EEFSEC: variants seen among roughly 807,000 people sequenced by gnomAD.
EEFSEC encodes the protein selenocysteine-specific elongation factor.
A neutral mutation model predicts 42.1 loss-of-function variants in EEFSEC; 43 were observed. The ratio of observed to expected loss-of-function variants is 1.02; its 90% CI spans 0.80 to 1.32. The LOEUF is 1.32. Ranked by LOEUF, EEFSEC falls within the 40% of genes most tolerant of loss-of-function variation. EEFSEC has a pLI of 0.00. For missense variants in EEFSEC, 745 were observed against 803.6 expected (o/e 0.93, Z 0.88); for synonymous variants, 354 against 339.1 (o/e 1.04, Z -0.48).
intron 4 of EEFSEC, among the ~76,000 whole-genome samples, chr3:128,294,255 A>G (rs138126672): frequency 1.3e-5 from 2 of 152,164 alleles, no homozygotes; most frequent in Admixed American, 6.5e-5. Context: ...GTGGAGGACT[A>G]TCTGTCCTTC....
At chr3:128,295,594 C>CTTTT (rs543376332) in intron 4 of EEFSEC, among the ~76,000 whole-genome samples, 1 of 131,592 alleles carries the variant, frequency 7.6e-6, no homozygotes, top group African/African-American at 2.8e-5. Context: ...ATTGAGGCTC[C>CTTTT]TTTTTTTTTT....
chr3:128,364,928 C>T (rs2067571133), intron 6 of EEFSEC, among the ~76,000 whole-genome samples: 1 of 152,236 alleles, frequency 6.6e-6, no homozygotes. Context: ...TCTCTGTCTG[C>T]CCCAGGGAGA....
chr3:128,376,177 T>C (rs1223933401), intron 6 of EEFSEC, among the ~76,000 whole-genome samples: 1 of 152,186 alleles, frequency 6.6e-6, no homozygotes, highest in Non-Finnish European at 1.5e-5. Context: ...GCCTGGGGCA[T>C]GCACAGTTCT....
At chr3:128,353,577 G>A (rs1221035185) in intron 5 of EEFSEC, among the ~76,000 whole-genome samples, 1 of 152,250 alleles carries the variant, frequency 6.6e-6, no homozygotes, top group East Asian at 1.9e-4. Context: ...GCTGCCCAGT[G>A]CCCCTGGGCC....
intron 3 of EEFSEC, among the ~76,000 whole-genome samples, chr3:128,263,612 G>T (rs2066321052): frequency 1.3e-5 from 2 of 152,178 alleles, no homozygotes; most frequent in Admixed American, 6.5e-5. Context: ...CTCAGACCAA[G>T]CCTGTTTTGT....
At chr3:128,186,794 AT>A (rs1294505833) in intron 1 of EEFSEC, among the ~76,000 whole-genome samples, 17 of 150,676 alleles carry the variant, frequency 1.1e-4, no homozygotes, top group East Asian at 3.9e-4. Flanking sequence ...ATTCTGAACT[AT>A]TTTTTTTTTA....
chr3:128,385,282 C>T (rs931474457), intron 6 of EEFSEC, among the ~76,000 whole-genome samples: 1 of 152,198 alleles, frequency 6.6e-6, no homozygotes, highest in Non-Finnish European at 1.5e-5. Context: ...GCAGGCAGCG[C>T]AGGAGAGTAG....
intron 6 of EEFSEC, chr3:128,362,263 C>T (rs572720150): frequency 1.4e-5 from 7 of 515,590 alleles, no homozygotes; most frequent in Admixed American, 8.0e-5. Context: ...CAACAGCTTC[C>T]GCAGCCCCTC....
At chr3:128,243,185 T>C (rs981104447) in intron 1 of EEFSEC, among the ~76,000 whole-genome samples, 3 of 152,234 alleles carry the variant, frequency 2.0e-5, no homozygotes, top group African/African-American at 7.2e-5. Flanking sequence ...TCCCTGGTGC[T>C]GGCTGCGCTG....
chr3:128,399,114 A>AAAT (rs2068018601), intron 6 of EEFSEC, among the ~76,000 whole-genome samples: 1 of 151,022 alleles, frequency 6.6e-6, no homozygotes, highest in African/African-American at 2.5e-5. Context: ...AAAATAAAAA[A>AAAT]AAACCCTTCC....
At chr3:128,239,850 G>A (rs1576572581) in intron 1 of EEFSEC, among the ~76,000 whole-genome samples, 1 of 152,198 alleles carries the variant, frequency 6.6e-6, no homozygotes, top group South Asian at 2.1e-4. Context: ...CAGGGTCCCT[G>A]GAGCCTTCTC....
At chr3:128,395,821 C>G (rs2067974595) in intron 6 of EEFSEC, among the ~76,000 whole-genome samples, 1 of 152,228 alleles carries the variant, frequency 6.6e-6, no homozygotes, top group African/African-American at 2.4e-5. Context: ...CAGCCATGAT[C>G]AGAATGGCAG....
At chr3:128,336,285 C>G (rs764368060) in intron 4 of EEFSEC, among the ~76,000 whole-genome samples, 2 of 152,190 alleles carry the variant, frequency 1.3e-5, no homozygotes, top group Non-Finnish European at 2.9e-5. Flanking sequence ...TCTAGTCTGT[C>G]ACCACCAAAA....
intron 1 of EEFSEC, among the ~76,000 whole-genome samples, chr3:128,199,790 G>T (rs2065624319): frequency 6.6e-6 from 1 of 151,838 alleles, no homozygotes; most frequent in South Asian, 2.1e-4. Flanking sequence ...CTGGAGTGCA[G>T]TGGCAAGATC....
At chr3:128,245,431 ATGC>A (rs1303398921) in intron 1 of EEFSEC, among the ~76,000 whole-genome samples, 1 of 152,048 alleles carries the variant, frequency 6.6e-6, no homozygotes, top group Non-Finnish European at 1.5e-5. Flanking sequence ...GGCAGAGGAG[ATGC>A]TGCTGCTGCT....
intron 6 of EEFSEC, among the ~76,000 whole-genome samples, chr3:128,407,186 C>T (rs751899997): frequency 3.5e-4 from 54 of 152,182 alleles, no homozygotes; most frequent in Admixed American, 2.0e-4. Context: ...AACAAATTTC[C>T]ACTCAGGTGT....
At chr3:128,297,620 C>T (rs540415866) in intron 4 of EEFSEC, among the ~76,000 whole-genome samples, 3 of 152,196 alleles carry the variant, frequency 2.0e-5, no homozygotes, top group Non-Finnish European at 2.9e-5. Flanking sequence ...ATTCTCATGT[C>T]TCGGATAGCC....
chr3:128,283,572 A>C (rs2066552094), intron 4 of EEFSEC, among the ~76,000 whole-genome samples: 1 of 152,156 alleles, frequency 6.6e-6, no homozygotes, highest in South Asian at 2.1e-4. Context: ...CCTGCCCAGC[A>C]ATGCTGCACA....
chr3:128,301,080 A>T (rs1346772212), intron 4 of EEFSEC, among the ~76,000 whole-genome samples: 1 of 152,232 alleles, frequency 6.6e-6, no homozygotes, highest in Non-Finnish European at 1.5e-5. Flanking sequence ...ACCTATCAGC[A>T]CAAGTGGTAA....
Sources: allele counts gnomAD v4.1 joint callset (sites outside exome capture counted in the v4.1 genomes callset), GRCh38; gene constraint gnomAD v4.1.1; transcripts MANE v1.5; gene names NCBI Gene and HGNC (gene_info 2026-07-23, HGNC 2026-07-21).